Variants in GPC5 observed in about 807,000 individuals in gnomAD.
GPC5 encodes the protein glypican-5.
In GPC5, 47 loss-of-function variants were observed where a neutral mutation model predicts 53.9. The observed-to-expected ratio is 0.87, with a 90% CI of 0.69 to 1.11. GPC5 has a LOEUF of 1.11. GPC5 is among the 50% of genes most tolerant of loss of function. The pLI is 0.00. For synonymous variants in GPC5, 286 were observed against 263.3 expected (o/e 1.09, Z -0.84); for missense variants, 748 against 713.1 (o/e 1.05, Z -0.56).
At chr13:92,693,140 A>T (rs1237827577) in intron 7 of GPC5, among the ~76,000 whole-genome samples, 1 of 152,104 alleles carries the variant, frequency 6.6e-6, no homozygotes, top group Non-Finnish European at 1.5e-5. Context: ...CTTCCCAGCC[A>T]TACAGGACTA....
chr13:91,644,576 T>C (rs2034513125), intron 2 of GPC5, among the ~76,000 whole-genome samples: 1 of 152,216 alleles, frequency 6.6e-6, no homozygotes, highest in Non-Finnish European at 1.5e-5. Flanking sequence ...TTCGCATCCT[T>C]TACTAATCAA....
chr13:91,764,226 A>T (rs1055801520), intron 5 of GPC5, among the ~76,000 whole-genome samples: 19 of 152,150 alleles, frequency 1.2e-4, no homozygotes, highest in Non-Finnish European at 1.3e-4. Context: ...TTAGGGAAAT[A>T]TTAATCATTC....
In GPC5 at chr13:92,817,368, C is replaced by T. The variant is rs535778378; in HGVS notation, c.1562-48914C>T. ...AGCATCAATATCCTTTCAAATATTT[C>T]GGTTTGGGTACATACTTTTTTGATT... is the stretch of plus-strand genomic sequence containing the variant. On this transcript the variant is annotated intron_variant, in intron 7 of 7. Coordinates refer to ENST00000377067, the MANE Select transcript of GPC5 (RefSeq NM_004466.6). Among the ~76,000 whole-genome samples the T allele has an allele frequency of 1.9e-3, 289 of 151,992 alleles. 1 individual carries two copies. Among genetic ancestry groups the T allele is most frequent in the Middle Eastern group, 3.4e-3 (1 of 292 alleles).
At chr13:91,455,667 G>C (rs1881490132) in intron 2 of GPC5, among the ~76,000 whole-genome samples, 1 of 152,022 alleles carries the variant, frequency 6.6e-6, no homozygotes, top group Non-Finnish European at 1.5e-5. Flanking sequence ...CTTTTTATGT[G>C]CTATAGAAAT....
rs117794379 is a variant in GPC5 at position 92,498,871 on chromosome 13, G to A, written c.1561+353882G>A. Among the ~76,000 whole-genome samples the A allele has an allele frequency of 3.5e-3, 529 of 152,150 alleles. 2 individuals are homozygous for A. Among genetic ancestry groups the A allele is most frequent in the Admixed American group, 5.6e-3 (86 of 15,280 alleles). Reference sequence around the variant, plus strand: ...CATAGATAAACTCCTAACAATTCTTGAATGAGTGTGGCAAAGGGGAAATAA... The same window carrying A: ...CATAGATAAACTCCTAACAATTCTTAAATGAGTGTGGCAAAGGGGAAATAA... On this transcript the variant is annotated intron_variant, in intron 7 of 7. Coordinates refer to ENST00000377067, the MANE Select transcript of GPC5 (RefSeq NM_004466.6).
Position 92,617,953 on chromosome 13 carries a change from T to A in GPC5, c.1562-248329T>A, listed in dbSNP as rs577129443. ...TGCACCCGTTAAGACACCACCCTCA[T>A]TTTTGGCAATAGCTAAAAGATAGCT... On this transcript the variant is annotated intron_variant, in intron 7 of 7. Coordinates refer to ENST00000377067, the MANE Select transcript of GPC5 (RefSeq NM_004466.6). 1.2e-3 allele frequency among the ~76,000 whole-genome samples: 179 copies of A among 152,280 alleles called. 1 individual carries two copies. The highest frequency in any genetic ancestry group is 4.1e-3 in the African/African-American group (169 of 41,580).
At chr13:91,905,525 A>G (rs550621102) in intron 5 of GPC5, among the ~76,000 whole-genome samples, 7 of 152,210 alleles carry the variant, frequency 4.6e-5, no homozygotes, top group African/African-American at 4.8e-5. Context: ...ATCATGTCCA[A>G]TGGATAGTAT....
At chr13:91,621,682 T>G (rs2033859306) in intron 2 of GPC5, among the ~76,000 whole-genome samples, 7 of 150,644 alleles carry the variant, frequency 4.6e-5, no homozygotes, top group Admixed American at 4.0e-4. Context: ...CAATTAAATG[T>G]TCTGTGTAAC....
intron 6 of GPC5, among the ~76,000 whole-genome samples, chr13:92,056,717 T>C (rs1292128995): frequency 6.6e-6 from 1 of 152,146 alleles, no homozygotes; most frequent in Non-Finnish European, 1.5e-5. Flanking sequence ...ACATTTTGGG[T>C]TGTTTGTTTT....
intron 7 of GPC5, among the ~76,000 whole-genome samples, chr13:92,626,874 TACAC>T (rs1885062869): frequency 6.6e-6 from 1 of 152,166 alleles, no homozygotes; most frequent in South Asian, 2.1e-4. Context: ...TATAATGAAA[TACAC>T]ATACATAAAT....
At chr13:92,689,548 A>C (rs1315895352) in intron 7 of GPC5, among the ~76,000 whole-genome samples, 2 of 83,542 alleles carry the variant, frequency 2.4e-5, no homozygotes, top group African/African-American at 8.0e-5. Context: ...TTTTAATTGC[A>C]GAATTTAGTC....
At chr13:92,580,863 C>G (rs1399343605) in intron 7 of GPC5, among the ~76,000 whole-genome samples, 1 of 152,182 alleles carries the variant, frequency 6.6e-6, no homozygotes, top group East Asian at 1.9e-4. Context: ...TATATTTCAA[C>G]ATGTGATATG....
At chr13:92,494,588 T>C (rs540389539) in intron 7 of GPC5, among the ~76,000 whole-genome samples, 80 of 152,356 alleles carry the variant, frequency 5.3e-4, no homozygotes, top group African/African-American at 1.9e-3. Context: ...ATATATGAAG[T>C]AATTGCAGCT....
chr13:92,740,879 T>A (rs1269401662), intron 7 of GPC5, among the ~76,000 whole-genome samples: 1 of 92,182 alleles, frequency 1.1e-5, no homozygotes, highest in Non-Finnish European at 2.1e-5. Context: ...TTTATGTATG[T>A]ATGTATATTT....
intron 7 of GPC5, among the ~76,000 whole-genome samples, chr13:92,500,080 CAAGTTAGCCTG>C (rs1880125035): frequency 6.6e-6 from 1 of 152,124 alleles, no homozygotes; most frequent in Non-Finnish European, 1.5e-5. Flanking sequence ...AGCCTGGACT[CAAGTTAGCCTG>C]AAAGATGGAA....
chr13:91,847,784 T>A (rs2038868637), intron 5 of GPC5, among the ~76,000 whole-genome samples: 1 of 152,190 alleles, frequency 6.6e-6, no homozygotes. Context: ...ATCTCTGAGA[T>A]TAGTTTCTAA....
At chr13:92,443,507 T>C (rs1594206654) in intron 7 of GPC5, among the ~76,000 whole-genome samples, 1 of 151,880 alleles carries the variant, frequency 6.6e-6, no homozygotes, top group South Asian at 2.1e-4. Context: ...TTGTTGAAAA[T>C]GTTTCATTGA....
chr13:91,632,869 G>C (rs936766323), intron 2 of GPC5, among the ~76,000 whole-genome samples: 7 of 152,122 alleles, frequency 4.6e-5, no homozygotes, highest in Non-Finnish European at 1.5e-5. Context: ...TGCCGAGGTA[G>C]TTCAGCTGAA....
chr13:92,033,538 G>C (rs900007161), intron 6 of GPC5, among the ~76,000 whole-genome samples: 2 of 152,148 alleles, frequency 1.3e-5, no homozygotes, highest in Middle Eastern at 3.2e-3. Context: ...TTTGTTGGAG[G>C]TTGAAAAATT....
Sources: gnomAD v4.1 joint callset for allele counts (sites outside exome capture counted in the v4.1 genomes callset) on GRCh38, gnomAD v4.1.1 for gene constraint, MANE v1.5 for transcripts, NCBI Gene and HGNC (gene_info 2026-07-23, HGNC 2026-07-21) for gene names.